SYNE2: variants seen among roughly 807,000 people sequenced by gnomAD.
SYNE2 encodes nesprin-2.
In SYNE2, 431 loss-of-function variants were observed where a neutral mutation model predicts 856.3. The ratio of observed to expected loss-of-function variants is 0.50; its 90% confidence interval spans 0.47 to 0.55. The LOEUF (loss-of-function observed/expected upper bound fraction) is 0.55. Among genes scored for constraint, SYNE2 ranks in the 20% least tolerant of loss-of-function variants. The pLI is 0.00. For missense variants in SYNE2, 8,129 were observed against 8,023.2 expected (o/e 1.01, Z -0.50); for synonymous variants, 2,923 against 2,872.3 (o/e 1.02, Z -0.56).
intron 62 of SYNE2, 52 bp downstream of exon 62, chr14:64,098,198 T>G (rs764511702): frequency 3.9e-5 from 62 of 1,590,018 alleles, no homozygotes; most frequent in Non-Finnish European, 5.3e-5. Flanking sequence ...AGAGCATTAA[T>G]GGGTAGTGTT....
chr14:63,787,156 A>G (rs1480627026), intron 1 of SYNE2, among the ~76,000 whole-genome samples: 1 of 152,190 alleles, frequency 6.6e-6, no homozygotes, highest in Non-Finnish European at 1.5e-5. Flanking sequence ...GGATATCGAC[A>G]ATCTCAAATA....
chr14:64,013,834 CATATAAA>C (rs1316553287), intron 32 of SYNE2, among the ~76,000 whole-genome samples: 2 of 152,002 alleles, frequency 1.3e-5, no homozygotes, highest in African/African-American at 4.8e-5. Context: ...GGTAAACTCA[CATATAAA>C]AATAATACAA....
chr14:64,194,134 G>T (rs370464076), intron 99 of SYNE2, among the ~76,000 whole-genome samples: 2 of 152,138 alleles, frequency 1.3e-5, no homozygotes, highest in South Asian at 2.1e-4. Context: ...ATCAACACAG[G>T]TCATTTAAAG....
At chr14:64,075,889 A>C (rs2097454533) in intron 53 of SYNE2, 56 bp from the exon 54 acceptor site, 1 of 1,598,076 alleles carries the variant, frequency 6.3e-7, no homozygotes, top group African/African-American at 1.3e-5. Context: ...TTCACTTTTT[A>C]GAATTAAACT....
At chr14:64,003,435 C>A in intron 30 of SYNE2, 105 bp downstream of exon 30, 3 of 1,403,690 alleles carry the variant, frequency 2.1e-6, no homozygotes, top group Non-Finnish European at 3.0e-6. Context: ...GCTTCTATTC[C>A]ATCCCACTCT....
At chr14:64,219,457 G>T in intron 110 of SYNE2, 47 bp downstream of exon 110, 1 of 1,582,648 alleles carries the variant, frequency 6.3e-7, no homozygotes, top group South Asian at 1.1e-5. Flanking sequence ...ATGTGCATGT[G>T]AACGCATTGC....
intron 1 of SYNE2, among the ~76,000 whole-genome samples, chr14:63,785,288 G>C (rs548392129): frequency 6.6e-6 from 1 of 151,804 alleles, no homozygotes; most frequent in Non-Finnish European, 1.5e-5. Context: ...GCAAAACCCC[G>C]TCTCTACCAA....
intron 45 of SYNE2, among the ~76,000 whole-genome samples, chr14:64,043,582 C>T (rs115807322): frequency 0.01 from 1,524 of 152,246 alleles, 25 homozygotes; most frequent in African/African-American, 0.034. Flanking sequence ...GTGTCTCAGC[C>T]GCTCCAGCCT....
At chr14:63,814,497 A>G (rs1404454792) in intron 1 of SYNE2, among the ~76,000 whole-genome samples, 3 of 71,258 alleles carry the variant, frequency 4.2e-5, no homozygotes, top group Non-Finnish European at 9.3e-5. Context: ...ATATATATCC[A>G]TATATATAAT....
rs750764283 is a variant in SYNE2 at position 64,031,101 on chromosome 14, C to T, written c.6965C>T (p.Ser2322Leu). Residue 2322 changes from serine to leucine, a missense_variant, in exon 45 of 116, where the codon TCA becomes TTA. Ser to Leu is a moderately radical substitution (Grantham distance 145). Coordinates refer to ENST00000555002, the MANE Select transcript of SYNE2 (RefSeq NM_182914.3). ...AAATCCGTCAAGCAAAATACATCTT[C>T]AGTGGGGCAGAAGATTATTAAAGAT... The part of the protein sequence containing the change: ...LAKSVKQNTS[S>L]VGQKIIKDDI... 6.2e-7 allele frequency: 1 copy of T among 1,614,018 alleles called. No homozygotes were observed. The highest frequency in any genetic ancestry group is 8.5e-7 in the Non-Finnish European group (1 of 1,179,978).
intron 1 of SYNE2, among the ~76,000 whole-genome samples, chr14:63,865,714 A>ACC (rs1357475302): frequency 6.5e-4 from 31 of 47,540 alleles, no homozygotes; most frequent in Middle Eastern, 9.4e-3. Context: ...CTCTGTACCC[A>ACC]CCCCCCCCCC....
chr14:64,021,913 A>G lies in SYNE2; in HGVS notation c.5409A>G (p.Gln1803=), dbSNP rs147554961. Residue 1803 remains glutamine, a synonymous_variant, in exon 37 of 116, where the codon CAA becomes CAG. Transcript: ENST00000555002. ...QKHSMILLEN[Q]IGCLTPELSE... is the part of the protein sequence containing the mutation. ...ACAGTATGATATTACTTGAGAATCA[A>G]ATAGGTTGTCTGACTCCTGAACTCT... 2.1e-5 allele frequency: 34 copies of G among 1,614,020 alleles called. No individual in the cohort carries two copies. Among genetic ancestry groups the G allele is most frequent in the Non-Finnish European group, 1.7e-6 (2 of 1,179,958 alleles).
chr14:64,183,522 G>C (rs1378845854), intron 96 of SYNE2, among the ~76,000 whole-genome samples: 3 of 152,334 alleles, frequency 2.0e-5, no homozygotes, highest in Admixed American at 2.0e-4. Context: ...GTGGCGGCCG[G>C]GCAGAGGCTG....
At chr14:64,011,278 A>T (rs2096843012) in intron 32 of SYNE2, among the ~76,000 whole-genome samples, 1 of 152,098 alleles carries the variant, frequency 6.6e-6, no homozygotes, top group African/African-American at 2.4e-5. Context: ...TGTCAGACTT[A>T]ATCAAAGTTG....
At chr14:63,973,576 G>A (rs944656284) in intron 11 of SYNE2, among the ~76,000 whole-genome samples, 3 of 144,584 alleles carry the variant, frequency 2.1e-5, no homozygotes, top group Admixed American at 7.2e-5. Context: ...AGGTTGCAGT[G>A]AGCCAAGATT....
At chr14:63,890,104 T>C (rs2095096365) in intron 1 of SYNE2, among the ~76,000 whole-genome samples, 1 of 149,882 alleles carries the variant, frequency 6.7e-6, no homozygotes, top group African/African-American at 2.5e-5. Flanking sequence ...TCACCTCGGC[T>C]GTATGGAGTC....
chr14:64,177,592 C>T, intron 96 of SYNE2, 109 bp downstream of exon 96: 2 of 1,410,816 alleles, frequency 1.4e-6, no homozygotes. Flanking sequence ...CATTTTCAAT[C>T]AGAAAATATT....
intron 1 of SYNE2, among the ~76,000 whole-genome samples, chr14:63,871,251 G>C (rs1214931425): frequency 6.6e-6 from 1 of 151,700 alleles, no homozygotes; most frequent in Non-Finnish European, 1.5e-5. Context: ...TGTTGCCCAG[G>C]CTGGAGTGCA....
At chr14:63,775,321 C>T (rs1887070203) in intron 1 of SYNE2, among the ~76,000 whole-genome samples, 1 of 151,900 alleles carries the variant, frequency 6.6e-6, no homozygotes, top group Admixed American at 6.6e-5. Flanking sequence ...GTTGCCCAGG[C>T]TGGAATGCAG....
Sources: allele counts gnomAD v4.1 joint callset (sites outside exome capture counted in the v4.1 genomes callset), GRCh38; gene constraint gnomAD v4.1.1; transcripts MANE v1.5; gene names NCBI Gene and HGNC (gene_info 2026-07-23, HGNC 2026-07-21).